COIL: variants seen among roughly 807,000 people sequenced by gnomAD.
The protein encoded by COIL is coilin p80.
COIL carries 28 observed loss-of-function variants against 51.6 expected under a neutral mutation model. That is an observed-to-expected ratio of 0.54 (90% CI 0.40 to 0.74). COIL has a LOEUF of 0.74. COIL is among the 30% of genes least tolerant of loss of function. COIL has a pLI of 0.00. For missense variants in COIL, 667 were observed against 685.9 expected, an observed-to-expected ratio of 0.97 and a Z score of 0.31; for synonymous variants, 233 against 255.8, an observed-to-expected ratio of 0.91 and a Z score of 0.85.
At chr17:56,956,959 G>C (rs1386683187) in intron 1 of COIL, among the ~76,000 whole-genome samples, 2 of 152,176 alleles carry the variant, frequency 1.3e-5, no homozygotes, top group African/African-American at 2.4e-5. Context: ...TTTCCTTACA[G>C]AATTGATTCT....
In COIL at chr17:56,938,900, G is replaced by A. The variant is rs2332863; in HGVS notation, c.*171C>T. The A allele has an allele frequency of 6.6e-5, 30 of 453,706 alleles. No individual in the cohort carries two copies. Among genetic ancestry groups the A allele is most frequent in the African/African-American group, 2.2e-4 (11 of 49,112 alleles). The allele number at this position is 453,706 out of a possible 1,614,324, so 28.1% of individuals were successfully genotyped here. A position where few individuals can be genotyped will look rare whatever the true frequency, so the allele number is the denominator to read the frequency against. On this transcript the variant is annotated 3_prime_UTR_variant, in exon 7 of 7. Transcript: ENST00000240316. The stretch of plus-strand genomic sequence containing the variant: ...AAAAAAACCAAAGATCTACAAAACC[G>A]ACACCCATGTCATTTTAAATGATGA...
At chr17:56,958,900 G>A (rs1343782699) in intron 1 of COIL, among the ~76,000 whole-genome samples, 1 of 152,218 alleles carries the variant, frequency 6.6e-6, no homozygotes, top group Non-Finnish European at 1.5e-5. Context: ...TGCAGTTACT[G>A]TTCCAAATTA....
chr17:56,946,442 C>T lies in COIL; in HGVS notation c.1558G>A (p.Ala520Thr), dbSNP rs746146135. ...TCAAATTATTTTCTAAAAGACTCACCAGGTAAGGATGAAAGAATTTCTATA... is the reference window on the plus strand; with the variant it reads ...TCAAATTATTTTCTAAAAGACTCACTAGGTAAGGATGAAAGAATTTCTATA... ...VDIEILSSLP[A>T]LREPGKFDLV... Residue 520 changes from alanine (A) to threonine (T), a missense_variant and splice_region_variant, in exon 5 of 7, where the codon GCC (alanine) becomes ACC (threonine). Transcript: ENST00000240316. The T allele has an allele frequency of 1.9e-6, 3 of 1,595,210 alleles. No homozygotes were observed.
rs772499520 is a variant in COIL, at chr17:56,961,035, A to G, written c.-16T>C. On this transcript the variant is annotated 5_prime_UTR_variant, in exon 1 of 7. Coordinates refer to ENST00000240316, the MANE Select transcript of COIL (RefSeq NM_004645.3). Reference sequence around the variant, plus strand: ...AAGCTGCCATCTTGCTTGGTGCTCAACGGAAGCCGAGAGATACCACGGGGC... The same window carrying G: ...AAGCTGCCATCTTGCTTGGTGCTCAGCGGAAGCCGAGAGATACCACGGGGC... 2.6e-5 allele frequency: 41 copies of G among 1,607,328 alleles called. No individual in the cohort carries two copies. The highest frequency in any genetic ancestry group is 2.7e-5 in the African/African-American group (2 of 74,662).
intron 5 of COIL, among the ~76,000 whole-genome samples, chr17:56,943,721 A>ACT (rs1420076404): frequency 3.9e-5 from 6 of 152,220 alleles, no homozygotes; most frequent in Non-Finnish European, 7.3e-5. Context: ...AGCTAGCAGT[A>ACT]CTTCATGCAC....
chr17:56,948,281 C>A (rs1910288912), intron 4 of COIL, among the ~76,000 whole-genome samples: 1 of 151,804 alleles, frequency 6.6e-6, no homozygotes. Context: ...ACTACAGGCA[C>A]CCGCCACCAT....
At position 56,950,949 on chromosome 17, in the gene COIL, C is replaced by T. The variant is rs765548965; in HGVS notation, c.293G>A (p.Ser98Asn). ...AAGAGATAAATTAATGTCACCATTA[C>T]TGATGACTACAGAATTCTCAGCAAC... ...RGVAENSVVI[S>N]NGDINLSLRK... Residue 98 changes from serine (S) to asparagine (N), a missense_variant, in exon 2 of 7, where the codon AGT becomes AAT. Transcript: ENST00000240316. The T allele has an allele frequency of 1.2e-6, 2 of 1,611,110 alleles. No individual in the cohort carries two copies. Among genetic ancestry groups the T allele is most frequent in the Non-Finnish European group, 1.7e-6 (2 of 1,179,450 alleles).
intron 1 of COIL, among the ~76,000 whole-genome samples, chr17:56,955,236 T>C (rs1330422998): frequency 2.6e-5 from 4 of 152,148 alleles, no homozygotes; most frequent in Non-Finnish European, 5.9e-5. Context: ...GGCTAACTTT[T>C]TGTATTTTTA....
chr17:56,960,262 G>A (rs143418207), intron 1 of COIL, among the ~76,000 whole-genome samples: 212 of 151,528 alleles, frequency 1.4e-3, no homozygotes, highest in African/African-American at 4.5e-3. Flanking sequence ...GGTGGTGCAC[G>A]CCTGCAATCC....
chr17:56,940,108 C>T (rs1458031414), intron 6 of COIL: 2 of 151,890 alleles, frequency 1.3e-5, no homozygotes, highest in Non-Finnish European at 2.9e-5. Context: ...TAATTACAGG[C>T]TTTTTGTTTT....
At chr17:56,939,254 G>T (rs1910101137) in intron 6 of COIL, 100 bp from the exon 7 acceptor site, 1 of 698,442 alleles carries the variant, frequency 1.4e-6, no homozygotes, top group Admixed American at 2.3e-5. Context: ...AATGATTGAA[G>T]AACGGGAATA....
chr17:56,945,861 G>A (rs184295952), intron 5 of COIL, among the ~76,000 whole-genome samples: 15 of 152,240 alleles, frequency 9.9e-5, no homozygotes, highest in Non-Finnish European at 1.6e-4. Context: ...GATTACAGGC[G>A]TGTGCCATGA....
At chr17:56,940,508 C>CA (rs898727446) in intron 6 of COIL, among the ~76,000 whole-genome samples, 6 of 151,442 alleles carry the variant, frequency 4.0e-5, no homozygotes, top group African/African-American at 7.3e-5. Context: ...CAATTTCAAC[C>CA]AAAAAAAACT....
At chr17:56,953,205 A>G (rs1428433825) in intron 1 of COIL, among the ~76,000 whole-genome samples, 3 of 151,774 alleles carry the variant, frequency 2.0e-5, no homozygotes, top group African/African-American at 7.3e-5. Context: ...AGGTCAGGAG[A>G]TCGAGACCAT....
intron 1 of COIL, among the ~76,000 whole-genome samples, chr17:56,959,216 G>A: frequency 6.6e-6 from 1 of 152,156 alleles, no homozygotes; most frequent in African/African-American, 2.4e-5. Context: ...GTGGTTGCCT[G>A]GCCTGAAGTC....
At chr17:56,954,390 G>A (rs186395411) in intron 1 of COIL, among the ~76,000 whole-genome samples, 1 of 152,088 alleles carries the variant, frequency 6.6e-6, no homozygotes, top group East Asian at 1.9e-4. Flanking sequence ...GTGAAACCCA[G>A]TCTCTACTAA....
chr17:56,948,230 G>A (rs1216590840), intron 4 of COIL, among the ~76,000 whole-genome samples: 7 of 151,204 alleles, frequency 4.6e-5, no homozygotes, highest in African/African-American at 1.7e-4. Flanking sequence ...TGCCTCCCGG[G>A]TTCACGCCAT....
chr17:56,941,442 C>T (rs1429517869), intron 6 of COIL, among the ~76,000 whole-genome samples: 1 of 152,098 alleles, frequency 6.6e-6, no homozygotes, highest in Admixed American at 6.5e-5. Context: ...AGGTGGCAAG[C>T]GCCTGTAATT....
At chr17:56,942,834 G>C (rs892870232) in intron 5 of COIL, among the ~76,000 whole-genome samples, 1 of 151,850 alleles carries the variant, frequency 6.6e-6, no homozygotes, top group African/African-American at 2.4e-5. Context: ...TGCTTTCTAT[G>C]GTAAAATGGG....
Sources: gnomAD v4.1 joint callset for allele counts (sites outside exome capture counted in the v4.1 genomes callset) on GRCh38, gnomAD v4.1.1 for gene constraint, MANE v1.5 for transcripts, NCBI Gene and HGNC (gene_info 2026-07-23, HGNC 2026-07-21) for gene names.